Variants in CTSC observed in about 807,000 individuals in gnomAD.
The protein encoded by CTSC is dipeptidyl peptidase 1.
CTSC carries 37 observed loss-of-function variants against 40.9 expected under a neutral mutation model. That is an observed-to-expected ratio of 0.91 (90% CI 0.70 to 1.19). The LOEUF (loss-of-function observed/expected upper bound fraction) is 1.19, where lower values mean the gene tolerates loss of function less well. Among genes scored for constraint, CTSC ranks in the 50% most tolerant of loss-of-function variants. The pLI, the probability that CTSC is intolerant of heterozygous loss-of-function variation, is 0.00. For missense variants in CTSC, 594 were observed against 567.3 expected (o/e 1.05, Z -0.48); for synonymous variants, 232 against 207.4 (o/e 1.12, Z -1.02).
chr11:88,302,692 A>T (rs1033230593), intron 4 of CTSC, among the ~76,000 whole-genome samples: 51 of 151,974 alleles, frequency 3.4e-4, no homozygotes, highest in African/African-American at 1.2e-3. Context: ...ACAAAGAGAA[A>T]AACAACAACG....
Position 88,329,257 on chromosome 11 carries a change from G to T in CTSC, c.318+5680C>A, listed in dbSNP as rs1419774240. 2.0e-5 allele frequency among the ~76,000 whole-genome samples: 3 copies of T among 151,850 alleles called. No homozygotes were observed. In the East Asian group the frequency reaches 5.8e-4, roughly 29 times the overall value. On this transcript the variant is annotated intron_variant, in intron 2 of 6. Coordinates refer to ENST00000227266, the MANE Select transcript of CTSC (RefSeq NM_001814.6). ...AGCACTTGGGGAGGTCCAGGCGGGCGGATCACTTGGGGTCAGGAGTTCAAG... is the reference window on the plus strand; with the variant it reads ...AGCACTTGGGGAGGTCCAGGCGGGCTGATCACTTGGGGTCAGGAGTTCAAG...
In CTSC at chr11:88,296,266, T is replaced by C. The variant is rs1565250486; in HGVS notation, c.758-2A>G. 6.2e-7 allele frequency: 1 copy of C among 1,613,722 alleles called. No homozygotes were observed. Among genetic ancestry groups the C allele is most frequent in the East Asian group, 2.2e-5 (1 of 44,870 alleles). ...ATGAGTAGCAGCTGCCACAGGATGC[T>C]GGCGATGAAAAAAAGACACATAATC... On this transcript the variant is annotated splice_acceptor_variant, in intron 5 of 6. Transcript: ENST00000227266. LOFTEE classifies it high-confidence loss of function.
intron 6 of CTSC, 78 bp downstream of exon 6, chr11:88,296,055 T>C (rs904783617): frequency 6.7e-7 from 1 of 1,481,940 alleles, no homozygotes. Flanking sequence ...TACTGCATCA[T>C]CCTTTTGCCT....
Position 88,335,093 on chromosome 11 carries a change from A to G in CTSC, c.173-11T>C, listed in dbSNP as rs754981212. 4.5e-6 allele frequency: 7 copies of G among 1,572,280 alleles called. No individual in the cohort carries two copies. In the South Asian group the frequency reaches 8.0e-5, roughly 18 times the overall value. On this transcript the variant is annotated splice_polypyrimidine_tract_variant and intron_variant, in intron 1 of 6. Coordinates refer to ENST00000227266, the MANE Select transcript of CTSC (RefSeq NM_001814.6). Reference sequence around the variant, plus strand: ...TTTTTTCTTGTGGTCCTAAAGAAAAAAAAAAAAAGCACAATAAAGGAAAAT... The same window carrying G: ...TTTTTTCTTGTGGTCCTAAAGAAAAGAAAAAAAAGCACAATAAAGGAAAAT...
chr11:88,332,614 A>G (rs1297495423), intron 2 of CTSC, among the ~76,000 whole-genome samples: 4 of 152,204 alleles, frequency 2.6e-5, no homozygotes, highest in Admixed American at 6.5e-5. Flanking sequence ...ACCTGATTAT[A>G]TTAAGTTTCA....
chr11:88,295,528 C>T (rs1361219614), intron 6 of CTSC, among the ~76,000 whole-genome samples: 1 of 151,948 alleles, frequency 6.6e-6, no homozygotes, highest in Non-Finnish European at 1.5e-5. Context: ...TACAAGCACA[C>T]ACCACCACGC....
At position 88,294,373 on chromosome 11, in the gene CTSC, G is replaced by A; in HGVS notation, c.1025C>T (p.Ser342Phe). ...KMKEDCFRYY[S>F]SEYHYVGGFY... is the part of the protein sequence containing the mutation. ...ACCTCCTACATAGTGGTACTCAGAG[G>A]AGTAATAACGAAAGCAGTCTTCCTT... Residue 342 changes from serine (S) to phenylalanine (F), a missense_variant, in exon 7 of 7, where the codon TCC becomes TTC. Transcript: ENST00000227266. The A allele has an allele frequency of 6.2e-7, 1 of 1,614,118 alleles. No individual in the cohort carries two copies. Among genetic ancestry groups the A allele is most frequent in the Non-Finnish European group, 8.5e-7 (1 of 1,180,016 alleles).
Position 88,328,188 on chromosome 11 carries a change from A to G in CTSC, c.318+6749T>C. The G allele has an allele frequency of 1.2e-6, 2 of 1,610,932 alleles. 1 individual carries two copies. Among genetic ancestry groups the G allele is most frequent in the South Asian group, 2.2e-5 (2 of 91,026 alleles). On this transcript the variant is annotated intron_variant, in intron 2 of 6. Coordinates refer to ENST00000227266, the MANE Select transcript of CTSC (RefSeq NM_001814.6). ...GCATGAACAAATGACTGATAAAATC[A>G]GTGACATCCTACAAAGAGTTTACAA...
intron 2 of CTSC, among the ~76,000 whole-genome samples, chr11:88,329,651 C>T (rs1371276665): frequency 6.6e-6 from 1 of 152,028 alleles, no homozygotes; most frequent in Non-Finnish European, 1.5e-5. Flanking sequence ...AATCACATAT[C>T]CAGCCATCAT....
intron 1 of CTSC, 60 bp downstream of exon 1, chr11:88,337,441 T>C (rs1253010237): frequency 6.6e-7 from 1 of 1,508,156 alleles, no homozygotes; most frequent in Non-Finnish European, 9.0e-7. Context: ...GGCGTGGCGC[T>C]GCGTTAGGGG....
rs1406318752 is a variant in CTSC, at chr11:88,294,333, G to T, written c.1065C>A (p.Cys355Ter). ...ACTCAAGCTTCATCAGGGCTTCATTGCAGCCTCCATAGAAACCTCCTACAT... is the reference window on the plus strand; with the variant it reads ...ACTCAAGCTTCATCAGGGCTTCATTTCAGCCTCCATAGAAACCTCCTACAT... ...YHYVGGFYGG[C>*]NEALMKLELV... Residue 355 changes from cysteine to a stop codon, truncating the protein, a stop_gained, in exon 7 of 7, where the codon TGC becomes TGA. Transcript: ENST00000227266. LOFTEE classifies it high-confidence loss of function. 6.2e-7 allele frequency: 1 copy of T among 1,614,016 alleles called. No homozygotes were observed. The highest frequency in any genetic ancestry group is 2.2e-5 in the East Asian group (1 of 44,882).
intron 4 of CTSC, among the ~76,000 whole-genome samples, chr11:88,308,833 A>C (rs1292344417): frequency 1.3e-5 from 2 of 152,122 alleles, no homozygotes; most frequent in Non-Finnish European, 2.9e-5. Flanking sequence ...GTTTTTCTTT[A>C]TGCAGCAGGC....
intron 2 of CTSC, chr11:88,324,352 G>A (rs1938118886): frequency 1.0e-6 from 1 of 978,534 alleles, no homozygotes; most frequent in Admixed American, 6.2e-5. Context: ...CATATCAGTT[G>A]CTTTGGTTAT....
intron 4 of CTSC, among the ~76,000 whole-genome samples, chr11:88,308,544 C>T (rs1365850810): frequency 6.6e-6 from 1 of 151,090 alleles, no homozygotes; most frequent in Non-Finnish European, 1.5e-5. Flanking sequence ...TGTCTGACAC[C>T]CGTGGTTCTA....
At chr11:88,334,243 T>C (rs562818310) in intron 2 of CTSC, among the ~76,000 whole-genome samples, 26 of 152,346 alleles carry the variant, frequency 1.7e-4, no homozygotes, top group African/African-American at 6.3e-4. Flanking sequence ...ACAAGAAAAG[T>C]TCCAGCTTGT....
chr11:88,323,647 T>C (rs547247119), intron 2 of CTSC: 2 of 151,910 alleles, frequency 1.3e-5, no homozygotes, highest in East Asian at 3.9e-4. Context: ...GAGAGCAAAA[T>C]CATGAATGAA....
In CTSC at chr11:88,333,471, G is replaced by C. The variant is rs60973436; in HGVS notation, c.318+1466C>G. On this transcript the variant is annotated intron_variant, in intron 2 of 6. Transcript: ENST00000227266. Reference sequence around the variant, plus strand: ...TTATGTACAAGGTTTATGGTACATGGTAACAATTGCCTTGAATATCTCTTC... The same window carrying C: ...TTATGTACAAGGTTTATGGTACATGCTAACAATTGCCTTGAATATCTCTTC... 7.7e-3 allele frequency among the ~76,000 whole-genome samples: 1,173 copies of C among 152,278 alleles called. 13 individuals carry two copies. The highest frequency in any genetic ancestry group is 0.026 in the African/African-American group (1,095 of 41,542).
intron 2 of CTSC, among the ~76,000 whole-genome samples, chr11:88,334,009 T>C (rs1004155082): frequency 1.3e-5 from 2 of 152,190 alleles, no homozygotes; most frequent in African/African-American, 4.8e-5. Context: ...ACAACTCCCA[T>C]GAGAAATTAT....
chr11:88,309,286 T>C lies in CTSC; in HGVS notation c.518A>G (p.Asn173Ser), dbSNP rs1806844614. The C allele has an allele frequency of 6.2e-7, 1 of 1,613,826 alleles. No individual in the cohort carries two copies. The highest frequency in any genetic ancestry group is 1.7e-5 in the Admixed American group (1 of 60,006). ...AATGGCATTGATAGCTTTCACAAAG[T>C]TGTGATCATACTTGTAGAGCCTATT... ...YSNRLYKYDH[N>S]FVKAINAIQK... Residue 173 changes from asparagine (N) to serine (S), a missense_variant, in exon 4 of 7, where the codon AAC becomes AGC. Physicochemically the swap from Asn to Ser is conservative, Grantham distance 46. Coordinates refer to ENST00000227266, the MANE Select transcript of CTSC (RefSeq NM_001814.6).
Sources: gnomAD v4.1 joint callset for allele counts (sites outside exome capture counted in the v4.1 genomes callset) on GRCh38, gnomAD v4.1.1 for gene constraint, MANE v1.5 for transcripts, NCBI Gene and HGNC (gene_info 2026-07-23, HGNC 2026-07-21) for gene names.